The following GFRA1 variants were observed in gnomAD, a reference collection of about 807,000 sequenced individuals.
GFRA1 encodes GDNF family receptor alpha 1, also known as GDNF family receptor alpha-1.
A neutral mutation model predicts 51.6 loss-of-function variants in GFRA1; 16 were observed. That is an observed-to-expected ratio of 0.31 (90% CI 0.21 to 0.47). The LOEUF is 0.47. Among genes scored for constraint, GFRA1 ranks in the 20% least tolerant of loss-of-function variants. The probability of loss-of-function intolerance (pLI) is 1.00; values close to 1 mark genes in which losing one functional copy is unlikely to be tolerated. For synonymous variants in GFRA1, 270 were observed against 241.3 expected, an observed-to-expected ratio of 1.12 and a Z score of -1.10; for missense variants, 530 against 594.3, an observed-to-expected ratio of 0.89 and a Z score of 1.13.
chr10:116,105,878 G>C (rs1342736753), intron 6 of GFRA1, among the ~76,000 whole-genome samples: 2 of 152,194 alleles, frequency 1.3e-5, no homozygotes, highest in African/African-American at 2.4e-5. Context: ...AAAGGCATCT[G>C]GACCTGAATT....
chr10:116,156,242 C>T (rs1029324270), intron 5 of GFRA1, among the ~76,000 whole-genome samples: 1 of 152,178 alleles, frequency 6.6e-6, no homozygotes, highest in Non-Finnish European at 1.5e-5. Flanking sequence ...ATCACCACTA[C>T]ATCAATCTGA....
chr10:116,190,936 A>G (rs559487334), intron 5 of GFRA1, among the ~76,000 whole-genome samples: 1 of 152,340 alleles, frequency 6.6e-6, no homozygotes, highest in East Asian at 1.9e-4. Flanking sequence ...GCTGAACAAG[A>G]ACAGGTAAAA....
intron 9 of GFRA1, among the ~76,000 whole-genome samples, chr10:116,074,187 G>A (rs896663386): frequency 3.9e-5 from 6 of 152,106 alleles, no homozygotes; most frequent in African/African-American, 1.2e-4. Flanking sequence ...CAGGGGTTCC[G>A]AGAGGTGATG....
intron 9 of GFRA1, among the ~76,000 whole-genome samples, chr10:116,087,666 A>T (rs1366329440): frequency 6.6e-6 from 1 of 152,182 alleles, no homozygotes; most frequent in Non-Finnish European, 1.5e-5. Flanking sequence ...TTATGATAAT[A>T]GGATCCTGCC....
intron 9 of GFRA1, among the ~76,000 whole-genome samples, chr10:116,084,431 T>C (rs1955996463): frequency 6.6e-6 from 1 of 152,210 alleles, no homozygotes; most frequent in African/African-American, 2.4e-5. Flanking sequence ...TGAATGTGGC[T>C]TGTGCTGTTT....
intron 5 of GFRA1, among the ~76,000 whole-genome samples, chr10:116,188,079 A>G (rs986612578): frequency 1.3e-5 from 2 of 152,128 alleles, no homozygotes; most frequent in African/African-American, 2.4e-5. Flanking sequence ...TATATAATAC[A>G]TACTGGGACA....
intron 5 of GFRA1, among the ~76,000 whole-genome samples, chr10:116,158,825 A>C (rs1283279019): frequency 6.6e-6 from 1 of 152,210 alleles, no homozygotes; most frequent in Non-Finnish European, 1.5e-5. Flanking sequence ...AGTGGGTGCC[A>C]AGGCAAGCTT....
At chr10:116,176,296 C>A (rs1961589972) in intron 5 of GFRA1, among the ~76,000 whole-genome samples, 2 of 152,202 alleles carry the variant, frequency 1.3e-5, no homozygotes, top group Non-Finnish European at 1.5e-5. Context: ...CCACTCATTC[C>A]TCTCTTCCAT....
intron 6 of GFRA1, among the ~76,000 whole-genome samples, chr10:116,117,801 G>A (rs74405669): frequency 0.014 from 2,205 of 152,204 alleles, 36 homozygotes; most frequent in Non-Finnish European, 0.024. Flanking sequence ...ACAGATGGAC[G>A]GATATACTTC....
chr10:116,072,292 G>A (rs1021368381), intron 9 of GFRA1, among the ~76,000 whole-genome samples: 6 of 152,158 alleles, frequency 3.9e-5, no homozygotes, highest in African/African-American at 7.2e-5. Context: ...TAGAAGAAGC[G>A]AAGTCCACTA....
At chr10:116,128,147 A>T (rs918332326) in intron 5 of GFRA1, among the ~76,000 whole-genome samples, 2 of 152,218 alleles carry the variant, frequency 1.3e-5, no homozygotes. Context: ...GAAGCCGAGC[A>T]CTACATTCAG....
intron 5 of GFRA1, among the ~76,000 whole-genome samples, chr10:116,154,143 A>G (rs189436732): frequency 6.6e-6 from 1 of 152,262 alleles, no homozygotes; most frequent in Non-Finnish European, 1.5e-5. Context: ...GGGAGTGCCA[A>G]TTGGTAGGAC....
At chr10:116,164,499 C>T (rs1181522863) in intron 5 of GFRA1, among the ~76,000 whole-genome samples, 3 of 152,138 alleles carry the variant, frequency 2.0e-5, no homozygotes, top group African/African-American at 7.2e-5. Context: ...AAATAAGCTC[C>T]GGGCAGCTGC....
intron 5 of GFRA1, among the ~76,000 whole-genome samples, chr10:116,196,103 T>C (rs538605953): frequency 6.8e-6 from 1 of 148,080 alleles, no homozygotes; most frequent in African/African-American, 2.5e-5. Flanking sequence ...AAGGAACAAG[T>C]AAAAAAAAAT....
At chr10:116,153,964 C>T (rs913161384) in intron 5 of GFRA1, among the ~76,000 whole-genome samples, 1 of 152,100 alleles carries the variant, frequency 6.6e-6, no homozygotes, top group Non-Finnish European at 1.5e-5. Flanking sequence ...AAAAAGAGAA[C>T]ATTTAAATGG....
intron 9 of GFRA1, among the ~76,000 whole-genome samples, chr10:116,069,818 T>G (rs111791167): frequency 6.6e-6 from 1 of 152,142 alleles, no homozygotes; most frequent in Admixed American, 6.5e-5. Flanking sequence ...AGTCCCTACG[T>G]GGGTTCTGCC....
chr10:116,095,287 C>T (rs924264486), intron 7 of GFRA1, among the ~76,000 whole-genome samples: 1 of 152,268 alleles, frequency 6.6e-6, no homozygotes, highest in African/African-American at 2.4e-5. Context: ...CCACCTATTA[C>T]ATCTCACGTC....
chr10:116,153,180 T>C (rs1032814001), intron 5 of GFRA1, among the ~76,000 whole-genome samples: 14 of 152,330 alleles, frequency 9.2e-5, no homozygotes, highest in Non-Finnish European at 1.8e-4. Flanking sequence ...TATGAAGTTC[T>C]AGAGCCAGGA....
At chr10:116,155,498 G>C (rs545834357) in intron 5 of GFRA1, among the ~76,000 whole-genome samples, 1 of 152,102 alleles carries the variant, frequency 6.6e-6, no homozygotes, top group Non-Finnish European at 1.5e-5. Context: ...GAAAACAAAG[G>C]CTTGTCTCCC....
Sources: gnomAD v4.1 joint callset for allele counts (sites outside exome capture counted in the v4.1 genomes callset) on GRCh38, gnomAD v4.1.1 for gene constraint, MANE v1.5 for transcripts, NCBI Gene and HGNC (gene_info 2026-07-23, HGNC 2026-07-21) for gene names.